FGGY: variants seen among roughly 807,000 people sequenced by gnomAD.
The protein encoded by FGGY is FGGY carbohydrate kinase domain-containing protein.
A neutral mutation model predicts 71.3 loss-of-function variants in FGGY; 72 were observed. That is an observed-to-expected ratio of 1.01 (90% CI 0.84 to 1.23). The LOEUF (loss-of-function observed/expected upper bound fraction) is 1.23, where lower values mean the gene tolerates loss of function less well. FGGY is among the 50% of genes most tolerant of loss of function. The pLI, the probability that FGGY is intolerant of heterozygous loss-of-function variation, is 0.00. For missense variants in FGGY, 668 were observed against 682.3 expected, an observed-to-expected ratio of 0.98 and a Z score of 0.23; for synonymous variants, 251 against 250.3, an observed-to-expected ratio of 1.00 and a Z score of -0.02.
chr1:59,665,566 G>A (rs2097315623), intron 12 of FGGY, among the ~76,000 whole-genome samples: 1 of 152,066 alleles, frequency 6.6e-6, no homozygotes, highest in African/African-American at 2.4e-5. Context: ...CATCCCCTGG[G>A]GTGACAGCTC....
At chr1:59,581,932 A>G (rs2096201898) in intron 8 of FGGY, among the ~76,000 whole-genome samples, 1 of 149,928 alleles carries the variant, frequency 6.7e-6, no homozygotes, top group African/African-American at 2.5e-5. Flanking sequence ...AAAAATATTT[A>G]TTTAGCTGTG....
intron 5 of FGGY, among the ~76,000 whole-genome samples, chr1:59,455,830 G>C (rs1341554399): frequency 6.6e-6 from 1 of 152,194 alleles, no homozygotes; most frequent in African/African-American, 2.4e-5. Context: ...TGAAGAAGCT[G>C]GGATGAGTTT....
intron 6 of FGGY, among the ~76,000 whole-genome samples, chr1:59,462,978 A>G (rs2092357563): frequency 6.6e-6 from 1 of 152,062 alleles, no homozygotes; most frequent in South Asian, 2.1e-4. Context: ...AAAGGACTAT[A>G]AATCATGCTG....
chr1:59,647,680 G>A (rs2097108354), intron 11 of FGGY, among the ~76,000 whole-genome samples: 1 of 150,332 alleles, frequency 6.7e-6, no homozygotes, highest in Non-Finnish European at 1.5e-5. Flanking sequence ...AGGTCAGCCA[G>A]TGATCCTTCT....
chr1:59,431,542 ATAGTCCGGACG>A (rs1488787493), intron 5 of FGGY, among the ~76,000 whole-genome samples: 5 of 152,180 alleles, frequency 3.3e-5, no homozygotes, highest in Non-Finnish European at 7.3e-5. Flanking sequence ...TGTTTATCTG[ATAGTCCGGACG>A]TAGATGCTTT....
intron 14 of FGGY, among the ~76,000 whole-genome samples, chr1:59,743,409 G>A (rs1448907293): frequency 2.6e-5 from 4 of 152,172 alleles, no homozygotes; most frequent in Admixed American, 1.3e-4. Flanking sequence ...TATCCATATT[G>A]TGTAGCACAA....
intron 8 of FGGY, among the ~76,000 whole-genome samples, chr1:59,592,833 C>T (rs903482560): frequency 6.6e-6 from 1 of 151,794 alleles, no homozygotes; most frequent in South Asian, 2.1e-4. Flanking sequence ...ATACCTAATG[C>T]TAAATGACGA....
chr1:59,638,352 G>A lies in FGGY; in HGVS notation c.1198G>A (p.Ala400Thr). The change falls in exon 11 of 16, where the codon GCA becomes ACA. Residue 400 changes from alanine to threonine, a missense_variant. By Grantham distance (58) the Ala-to-Thr change is moderately conservative (BLOSUM62 0). Coordinates refer to ENST00000303721, the MANE Select transcript of FGGY (RefSeq NM_018291.5). ...PDFHGNRSPL[A>T]DLTLKGMVTG... is the part of the protein sequence containing the mutation. ...TTTCCATGGCAACCGGTCTCCCTTA[G>A]CAGATCTGACACTAAAGGGCATGGT... 6.2e-7 allele frequency: 1 copy of A among 1,614,208 alleles called. No homozygotes were observed. Among genetic ancestry groups the A allele is most frequent in the South Asian group, 1.1e-5 (1 of 91,086 alleles).
chr1:59,517,700 A>G (rs2094703003), intron 7 of FGGY, among the ~76,000 whole-genome samples: 1 of 152,070 alleles, frequency 6.6e-6, no homozygotes, highest in Admixed American at 6.5e-5. Flanking sequence ...CTACTAATTT[A>G]TAAACTCTTT....
intron 6 of FGGY, among the ~76,000 whole-genome samples, chr1:59,463,458 G>A (rs551462311): frequency 6.6e-6 from 1 of 152,086 alleles, no homozygotes; most frequent in South Asian, 2.1e-4. Context: ...ATCAACTAAC[G>A]GGCAAAATAA....
chr1:59,693,971 C>T lies in FGGY; in HGVS notation c.1512+19838C>T, dbSNP rs368679975. 3.3e-5 allele frequency among the ~76,000 whole-genome samples: 5 copies of T among 151,104 alleles called. No individual in the cohort carries two copies. In the East Asian group the frequency reaches 7.8e-4, roughly 24 times the overall value. Reference sequence around the variant, plus strand: ...GCAGTGAGCCAATGTTACGCCACTGCACTCCAGCCTGGGCAACAGAGTGAG... The same window carrying T: ...GCAGTGAGCCAATGTTACGCCACTGTACTCCAGCCTGGGCAACAGAGTGAG... On this transcript the variant is annotated intron_variant, in intron 14 of 15. Coordinates refer to ENST00000303721, the MANE Select transcript of FGGY (RefSeq NM_018291.5).
chr1:59,309,193 T>A (rs1029811575), intron 1 of FGGY, among the ~76,000 whole-genome samples: 1 of 152,196 alleles, frequency 6.6e-6, no homozygotes, highest in African/African-American at 2.4e-5. Flanking sequence ...TTTCCCACAC[T>A]TTTGCCAAGT....
At chr1:59,410,100 A>G (rs1020224260) in intron 5 of FGGY, among the ~76,000 whole-genome samples, 2 of 152,198 alleles carry the variant, frequency 1.3e-5, no homozygotes, top group African/African-American at 4.8e-5. Context: ...TGAAATAGAC[A>G]TGGTAGATAT....
intron 5 of FGGY, among the ~76,000 whole-genome samples, chr1:59,440,113 C>T (rs974578335): frequency 3.3e-5 from 4 of 120,076 alleles, no homozygotes; most frequent in Admixed American, 8.2e-5. Context: ...AAAAAAAAAA[C>T]GGAAATGATA....
At chr1:59,705,803 A>G (rs926396028) in intron 14 of FGGY, among the ~76,000 whole-genome samples, 12 of 152,192 alleles carry the variant, frequency 7.9e-5, no homozygotes, top group Non-Finnish European at 1.6e-4. Context: ...TGCTCAATAC[A>G]TGTTTGCTTT....
chr1:59,353,297 G>A (rs1230670879), intron 4 of FGGY, among the ~76,000 whole-genome samples: 1 of 152,118 alleles, frequency 6.6e-6, no homozygotes, highest in Non-Finnish European at 1.5e-5. Flanking sequence ...AAAAGTGCTT[G>A]TTTCTACTGA....
chr1:59,685,031 G>A (rs552378686), intron 14 of FGGY, among the ~76,000 whole-genome samples: 8 of 152,126 alleles, frequency 5.3e-5, no homozygotes, highest in Non-Finnish European at 7.3e-5. Flanking sequence ...TGAAAATCTC[G>A]CCTAAGGTCA....
chr1:59,354,118 C>T (rs1285329805), intron 4 of FGGY, among the ~76,000 whole-genome samples: 1 of 152,014 alleles, frequency 6.6e-6, no homozygotes, highest in Non-Finnish European at 1.5e-5. Context: ...TGCTCTGTCA[C>T]CCAGGTTGGA....
intron 5 of FGGY, among the ~76,000 whole-genome samples, chr1:59,450,486 A>G (rs186960020): frequency 6.6e-6 from 1 of 152,210 alleles, no homozygotes; most frequent in Non-Finnish European, 1.5e-5. Flanking sequence ...TAGTTTCTGC[A>G]TGAATTATAA....
Sources: allele counts gnomAD v4.1 joint callset (sites outside exome capture counted in the v4.1 genomes callset), GRCh38; gene constraint gnomAD v4.1.1; transcripts MANE v1.5; gene names NCBI Gene and HGNC (gene_info 2026-07-23, HGNC 2026-07-21).